STIM1: variants seen among roughly 807,000 people sequenced by gnomAD.
STIM1 encodes the protein stromal interaction molecule 1.
In STIM1, 25 loss-of-function variants were observed where a neutral mutation model predicts 74.7. The ratio of observed to expected loss-of-function variants is 0.33; its 90% confidence interval spans 0.24 to 0.47. The LOEUF (loss-of-function observed/expected upper bound fraction) is 0.47, where lower values mean the gene tolerates loss of function less well. Among genes scored for constraint, STIM1 ranks in the 20% least tolerant of loss-of-function variants. The pLI, the probability that STIM1 is intolerant of heterozygous loss-of-function variation, is 1.00. For missense variants in STIM1, 728 were observed against 920.8 expected, an observed-to-expected ratio of 0.79 and a Z score of 2.71; for synonymous variants, 328 against 348.8, an observed-to-expected ratio of 0.94 and a Z score of 0.66.
chr11:3,924,692 A>G (rs943267381), intron 1 of STIM1, among the ~76,000 whole-genome samples: 2 of 152,208 alleles, frequency 1.3e-5, no homozygotes, highest in Admixed American at 6.5e-5. Context: ...TCAGGAAAGA[A>G]TTTCATGTGC....
chr11:4,082,926 C>T lies in STIM1; in HGVS notation c.1182C>T (p.Phe394=). ...KKKRNTLFGT[F]HVAHSSSLDD... ...AGAGAAACACACTCTTTGGCACCTT[C>T]CACGTGGCCCACAGCTCTTCCCTGG... is the stretch of plus-strand genomic sequence containing the variant. The change falls in exon 9 of 13, where the codon TTC becomes TTT. Residue 394 remains phenylalanine (F), a synonymous_variant. Transcript: ENST00000526596. The T allele has an allele frequency of 1.2e-6, 2 of 1,614,166 alleles. No individual in the cohort carries two copies. The highest frequency in any genetic ancestry group is 1.7e-6 in the Non-Finnish European group (2 of 1,180,028).
At chr11:4,088,812 G>T in intron 12 of STIM1, 1 of 1,451,070 alleles carries the variant, frequency 6.9e-7, no homozygotes, top group South Asian at 1.2e-5. Context: ...TGTTCTCAGT[G>T]ATTCAGGGAG....
chr11:3,858,233 G>GTTTTT (rs370455770), intron 1 of STIM1, among the ~76,000 whole-genome samples: 8 of 146,076 alleles, frequency 5.5e-5, no homozygotes, highest in Non-Finnish European at 7.5e-5. Flanking sequence ...TATTAGGAAG[G>GTTTTT]TTTTTTTTTT....
At chr11:3,897,455 G>C (rs907166714) in intron 1 of STIM1, among the ~76,000 whole-genome samples, 5 of 152,096 alleles carry the variant, frequency 3.3e-5, no homozygotes, top group Non-Finnish European at 1.5e-5. Context: ...CTGTGGAATA[G>C]CAGTACCTTT....
intron 1 of STIM1, among the ~76,000 whole-genome samples, chr11:3,862,901 TA>T (rs1429993371): frequency 6.6e-6 from 1 of 150,908 alleles, no homozygotes; most frequent in African/African-American, 2.5e-5. Context: ...CACACACACA[TA>T]TTTTTTTGAG....
At chr11:4,086,701 A>T (rs964450130) in intron 12 of STIM1, 158 bp downstream of exon 12, 1 of 1,539,284 alleles carries the variant, frequency 6.5e-7, no homozygotes. Context: ...CATCACCACC[A>T]TCACCACTAC....
intron 1 of STIM1, among the ~76,000 whole-genome samples, chr11:3,953,700 A>G (rs1328999878): frequency 6.6e-6 from 1 of 152,074 alleles, no homozygotes. Context: ...GTCTGAGTAT[A>G]ATATGTGATC....
intron 1 of STIM1, among the ~76,000 whole-genome samples, chr11:3,966,491 C>A (rs996972449): frequency 1.3e-5 from 2 of 152,142 alleles, no homozygotes; most frequent in African/African-American, 2.4e-5. Flanking sequence ...AGCCTCTTCA[C>A]CCTGTCCTTA....
Position 3,861,767 on chromosome 11 carries a change from C to T in STIM1, c.139+5358C>T, listed in dbSNP as rs186730635. ...TTTCATTCCCATCCAAATTCACAGG[C>T]CTCCTGAATTCTATCTATGGGCCCC... is the stretch of plus-strand genomic sequence containing the variant. On this transcript the variant is annotated intron_variant, in intron 1 of 12. Coordinates refer to ENST00000526596, the MANE Select transcript of STIM1 (RefSeq NM_001382567.1). Among the ~76,000 whole-genome samples, 190 of 152,274 alleles carry T rather than the reference C, an allele frequency of 1.2e-3. 1 individual carries two copies. Among genetic ancestry groups the T allele is most frequent in the African/African-American group, 4.4e-3 (183 of 41,558 alleles).
At chr11:4,073,637 T>G (rs1156554404) in intron 6 of STIM1, among the ~76,000 whole-genome samples, 1 of 152,174 alleles carries the variant, frequency 6.6e-6, no homozygotes, top group Non-Finnish European at 1.5e-5. Context: ...TTAACATAGA[T>G]AGCCGTGTGG....
chr11:3,924,804 T>G (rs1471285332), intron 1 of STIM1, among the ~76,000 whole-genome samples: 1 of 152,170 alleles, frequency 6.6e-6, no homozygotes, highest in Non-Finnish European at 1.5e-5. Context: ...AAAACTTTAT[T>G]TTCTATCATT....
Position 4,089,157 on chromosome 11 carries a change from A to C in STIM1, c.1635-2125A>C. 4 of 221,390 alleles carry C rather than the reference A, an allele frequency of 1.8e-5. No individual in the cohort carries two copies. The South Asian group carries it at 2.8e-4, about 16-fold the overall frequency. The allele number at this position is 221,390 out of a possible 1,614,324, so 13.7% of individuals were successfully genotyped here. A position where few individuals can be genotyped will look rare whatever the true frequency, so the allele number is the denominator to read the frequency against. On this transcript the variant is annotated intron_variant, in intron 12 of 12. Coordinates refer to ENST00000526596, the MANE Select transcript of STIM1 (RefSeq NM_001382567.1). Reference sequence around the variant, plus strand: ...AGGATCACTTGAGCCTGGGAGGTCAAGGCTGCAGTGAGCCGAGATCGCGCC... The same window carrying C: ...AGGATCACTTGAGCCTGGGAGGTCACGGCTGCAGTGAGCCGAGATCGCGCC...
chr11:4,046,692 C>T (rs2094196173), intron 3 of STIM1, among the ~76,000 whole-genome samples: 1 of 152,210 alleles, frequency 6.6e-6, no homozygotes, highest in African/African-American at 2.4e-5. Flanking sequence ...TTCTGCTGCC[C>T]AGGCTGGAGT....
In STIM1 at chr11:4,048,962, G is replaced by A. The variant is rs543536538; in HGVS notation, c.386-6564G>A. ...TTGGCCAGGCTGGTCTTGAACTCCT[G>A]ACCTCAGGTGATCTGCCCGCCTCGG... On this transcript the variant is annotated intron_variant, in intron 3 of 12. Coordinates refer to ENST00000526596, the MANE Select transcript of STIM1 (RefSeq NM_001382567.1). 1.0e-3 allele frequency among the ~76,000 whole-genome samples: 158 copies of A among 152,300 alleles called. 1 individual carries two copies. The highest frequency in any genetic ancestry group is 2.0e-3 in the Non-Finnish European group (136 of 68,030).
At chr11:3,943,924 A>T (rs1282619555) in intron 1 of STIM1, among the ~76,000 whole-genome samples, 2 of 152,256 alleles carry the variant, frequency 1.3e-5, no homozygotes, top group Non-Finnish European at 2.9e-5. Context: ...CAAATGTATT[A>T]GTCAAAGGAT....
chr11:3,883,260 C>T (rs867080725), intron 1 of STIM1, among the ~76,000 whole-genome samples: 6 of 152,086 alleles, frequency 3.9e-5, no homozygotes, highest in Non-Finnish European at 8.8e-5. Context: ...TCACTTCCTC[C>T]GAGAAGCTCT....
chr11:3,974,942 G>A (rs1283938246), intron 2 of STIM1, among the ~76,000 whole-genome samples: 1 of 152,190 alleles, frequency 6.6e-6, no homozygotes, highest in African/African-American at 2.4e-5. Flanking sequence ...TGAGAGCAGT[G>A]CTATTTTCTT....
At chr11:3,855,018 C>T (rs771148689), upstream of STIM1, 3 of 152,288 alleles carry the variant, frequency 2.0e-5, no homozygotes, top group African/African-American at 7.2e-5. Context: ...CCAGGAGCGC[C>T]GAGTCCTGTC....
At chr11:4,039,479 C>T (rs984784111) in intron 3 of STIM1, among the ~76,000 whole-genome samples, 15 of 145,972 alleles carry the variant, frequency 1.0e-4, no homozygotes, top group African/African-American at 3.3e-4. Context: ...CACGGCTACT[C>T]GGGAGGCTGA....
Sources: allele counts gnomAD v4.1 joint callset (sites outside exome capture counted in the v4.1 genomes callset), GRCh38; gene constraint gnomAD v4.1.1; transcripts MANE v1.5; gene names NCBI Gene and HGNC (gene_info 2026-07-23, HGNC 2026-07-21).